Variants in PHF21A observed in about 807,000 individuals in gnomAD.
PHF21A encodes the protein PHD finger protein 21A.
A neutral mutation model predicts 82.5 loss-of-function variants in PHF21A; 11 were observed. That is an observed-to-expected ratio of 0.13 (90% CI 0.08 to 0.22). PHF21A has a LOEUF of 0.22. PHF21A is among the 10% of genes least tolerant of loss of function. PHF21A has a pLI of 1.00. For missense variants in PHF21A, 579 were observed against 837.8 expected (o/e 0.69, Z 3.81); for synonymous variants, 297 against 302.8 (o/e 0.98, Z 0.20).
chr11:46,094,647 C>A (rs1250268981), intron 1 of PHF21A, among the ~76,000 whole-genome samples: 4 of 152,042 alleles, frequency 2.6e-5, no homozygotes, highest in Non-Finnish European at 4.4e-5. Flanking sequence ...CTCTGGGAGG[C>A]CAAAGTGGGT....
chr11:46,042,801 T>C (rs527593778), intron 6 of PHF21A, among the ~76,000 whole-genome samples: 1 of 151,850 alleles, frequency 6.6e-6, no homozygotes, highest in African/African-American at 2.4e-5. Flanking sequence ...TCTTGCTATG[T>C]CCTCACAGCA....
At chr11:46,058,840 T>C (rs757166311) in intron 6 of PHF21A, among the ~76,000 whole-genome samples, 24 of 152,152 alleles carry the variant, frequency 1.6e-4, no homozygotes, top group Non-Finnish European at 2.9e-4. Flanking sequence ...ATGGAGAAGA[T>C]ACAAACATGG....
At chr11:46,033,895 G>T (rs1381711748) in intron 6 of PHF21A, among the ~76,000 whole-genome samples, 1 of 152,094 alleles carries the variant, frequency 6.6e-6, no homozygotes, top group Non-Finnish European at 1.5e-5. Context: ...GAGGAGAACT[G>T]GTGGGTCATA....
chr11:45,936,132 A>T (rs935682326), intron 17 of PHF21A, among the ~76,000 whole-genome samples: 1 of 152,054 alleles, frequency 6.6e-6, no homozygotes, highest in Admixed American at 6.5e-5. Context: ...ACTAAAGTTA[A>T]CTGGTCATGG....
At chr11:45,948,376 C>T (rs1287796268) in intron 14 of PHF21A, among the ~76,000 whole-genome samples, 2 of 152,144 alleles carry the variant, frequency 1.3e-5, no homozygotes, top group Middle Eastern at 3.2e-3. Flanking sequence ...ACCTTTTCTT[C>T]CTTAGTTGGA....
At chr11:46,046,226 A>G (rs1166087154) in intron 6 of PHF21A, among the ~76,000 whole-genome samples, 1 of 152,184 alleles carries the variant, frequency 6.6e-6, no homozygotes, top group East Asian at 1.9e-4. Context: ...GCAGAAATCC[A>G]GGTCCACAGC....
intron 6 of PHF21A, among the ~76,000 whole-genome samples, chr11:46,013,810 T>C (rs1053535979): frequency 4.6e-5 from 7 of 152,008 alleles, no homozygotes; most frequent in Admixed American, 3.9e-4. Flanking sequence ...TATCTAAAAA[T>C]GGAAAAACTA....
chr11:46,096,168 A>G (rs2096992257), intron 1 of PHF21A, among the ~76,000 whole-genome samples: 1 of 150,494 alleles, frequency 6.6e-6, no homozygotes, highest in African/African-American at 2.4e-5. Context: ...TCTTGTACCC[A>G]CCTCTCTTAC....
At chr11:46,120,888 AGAG>A (rs2136248525) in intron 1 of PHF21A, 44 bp downstream of exon 1, 1 of 152,758 alleles carries the variant, frequency 6.5e-6, no homozygotes, top group African/African-American at 2.4e-5. Context: ...AAAAAGAGAG[AGAG>A]GAGAGTGAGA....
intron 6 of PHF21A, among the ~76,000 whole-genome samples, chr11:46,020,059 A>C (rs2095599784): frequency 6.6e-6 from 1 of 151,990 alleles, no homozygotes; most frequent in Admixed American, 6.6e-5. Flanking sequence ...TACTATTGTG[A>C]AGGCAGGTTT....
chr11:45,943,244 T>C (rs1251470994), intron 15 of PHF21A, among the ~76,000 whole-genome samples: 1 of 150,588 alleles, frequency 6.6e-6, no homozygotes, highest in African/African-American at 2.4e-5. Context: ...CACCTCAGCC[T>C]TGCAAGCAGC....
chr11:45,938,591 AAT>A (rs1266274139), intron 15 of PHF21A, among the ~76,000 whole-genome samples: 1 of 152,148 alleles, frequency 6.6e-6, no homozygotes, highest in African/African-American at 2.4e-5. Flanking sequence ...GAACCCTATA[AAT>A]ATGTTTTTCT....
chr11:46,018,704 A>G (rs1201184474), intron 6 of PHF21A, among the ~76,000 whole-genome samples: 1 of 152,204 alleles, frequency 6.6e-6, no homozygotes, highest in Non-Finnish European at 1.5e-5. Flanking sequence ...CCTGATATGG[A>G]CAACACATTT....
At chr11:46,117,359 CTA>C (rs1851626740) in intron 1 of PHF21A, 1 of 152,208 alleles carries the variant, frequency 6.6e-6, no homozygotes, top group African/African-American at 2.4e-5. Flanking sequence ...GCTATAAATG[CTA>C]TGAAACTGTT....
At chr11:46,083,530 A>G (rs908822314) in intron 4 of PHF21A, 3 of 152,236 alleles carry the variant, frequency 2.0e-5, no homozygotes, top group Non-Finnish European at 2.9e-5. Context: ...TAGTCAATGC[A>G]TCATCCTTTA....
At chr11:46,087,871 T>C (rs571665732) in intron 3 of PHF21A, among the ~76,000 whole-genome samples, 1 of 152,274 alleles carries the variant, frequency 6.6e-6, no homozygotes, top group South Asian at 2.1e-4. Flanking sequence ...TCCTCCTGCC[T>C]TAGCATCTTG....
chr11:46,038,493 GA>G (rs556869425), intron 6 of PHF21A, among the ~76,000 whole-genome samples: 70 of 152,252 alleles, frequency 4.6e-4, no homozygotes, highest in African/African-American at 1.6e-3. Flanking sequence ...CTAGGTTCTT[GA>G]AGGAGGTAAA....
At chr11:45,955,159 G>T (rs561191561) in intron 10 of PHF21A, among the ~76,000 whole-genome samples, 1 of 152,208 alleles carries the variant, frequency 6.6e-6, no homozygotes, top group Non-Finnish European at 1.5e-5. Context: ...TGCACCTCTT[G>T]TTTTTGCATC....
chr11:46,101,319 T>C (rs560776975), intron 1 of PHF21A, among the ~76,000 whole-genome samples: 1 of 152,290 alleles, frequency 6.6e-6, no homozygotes, highest in Middle Eastern at 3.4e-3. Context: ...TAACAATGTA[T>C]GAAAAGAACA....
Sources: allele counts gnomAD v4.1 joint callset (sites outside exome capture counted in the v4.1 genomes callset), GRCh38; gene constraint gnomAD v4.1.1; transcripts MANE v1.5; gene names NCBI Gene and HGNC (gene_info 2026-07-23, HGNC 2026-07-21).